PIP5K1A: variants seen among roughly 807,000 people sequenced by gnomAD.
PIP5K1A encodes phosphatidylinositol 4-phosphate 5-kinase type-1 alpha.
PIP5K1A carries 46 observed loss-of-function variants against 72.9 expected under a neutral mutation model. That is an observed-to-expected ratio of 0.63 (90% confidence interval 0.50 to 0.81). The LOEUF (loss-of-function observed/expected upper bound fraction) is 0.81, where lower values mean the gene tolerates loss of function less well. PIP5K1A is among the 30% of genes least tolerant of loss of function. PIP5K1A has a pLI of 0.00. For missense variants in PIP5K1A, 458 were observed against 706.1 expected (o/e 0.65, Z 3.98); for synonymous variants, 228 against 255.1 (o/e 0.89, Z 1.01).
chr1:151,227,912 A>G (rs1689394532), intron 4 of PIP5K1A, among the ~76,000 whole-genome samples: 1 of 152,286 alleles, frequency 6.6e-6, no homozygotes, highest in African/African-American at 2.4e-5. Flanking sequence ...ATTAGTGAAC[A>G]AATCTGGCAT....
rs1163625687 is a variant in PIP5K1A at position 151,248,729 on chromosome 1, C to G, written c.*864C>G. 6.6e-6 allele frequency: 1 copy of G among 152,602 alleles called. No individual in the cohort carries two copies. Among genetic ancestry groups the G allele is most frequent in the Non-Finnish European group, 1.5e-5 (1 of 68,042 alleles). 9.5% of individuals were successfully genotyped at this position (152,602 alleles called of 1,614,324 possible). ...CACTGCCAGGCTATAGTAATTATTACTATTTTGCAATTTGAAATATATTCT... is the reference window on the plus strand; with the variant it reads ...CACTGCCAGGCTATAGTAATTATTAGTATTTTGCAATTTGAAATATATTCT... On this transcript the variant is annotated 3_prime_UTR_variant, in exon 16 of 16. Coordinates refer to ENST00000368888, the MANE Select transcript of PIP5K1A (RefSeq NM_001135638.2).
rs1419306835 is a variant in PIP5K1A at position 151,232,574 on chromosome 1, G to A, written c.510G>A (p.Leu170=). Residue 170 remains leucine (L), a synonymous_variant, in exon 7 of 16, where the codon CTG becomes CTA. Transcript: ENST00000368888. ...AGTATTCCCTCTGCAGTGAGCCGCT[G>A]ATTGAACTCTGTAGCTCTGGAGCTA... ...DYLYSLCSEP[L]IELCSSGASG... 6.2e-7 allele frequency: 1 copy of A among 1,607,124 alleles called. No individual in the cohort carries two copies. The highest frequency in any genetic ancestry group is 1.3e-5 in the African/African-American group (1 of 74,398).
Position 151,248,062 on chromosome 1 carries a change from T to A in PIP5K1A, c.*197T>A. ...CCTTCCTCTTCCTCATGAATGGGCC[T>A]TAGTGCCTCAGAGAGTTGAGGACCG... On this transcript the variant is annotated 3_prime_UTR_variant, in exon 16 of 16. Transcript: ENST00000368888. 4.9e-6 allele frequency: 3 copies of A among 610,402 alleles called. No individual in the cohort carries two copies. 37.8% of individuals were successfully genotyped at this position (610,402 alleles called of 1,614,324 possible).
rs587765907 is a variant in PIP5K1A, at chr1:151,241,461, A to G, written c.1364-662A>G. Among the ~76,000 whole-genome samples, 1,038 of 150,134 alleles carry G rather than the reference A, an allele frequency of 6.9e-3. 5 individuals are homozygous for G. The highest frequency in any genetic ancestry group is 0.011 in the Non-Finnish European group (726 of 67,112). ...GGAGCTTGCAGTGAGCCAAGATGGCACCACTGCACTCCAGCCTGGGCGACA... is the reference window on the plus strand; with the variant it reads ...GGAGCTTGCAGTGAGCCAAGATGGCGCCACTGCACTCCAGCCTGGGCGACA... On this transcript the variant is annotated intron_variant, in intron 12 of 15. Coordinates refer to ENST00000368888, the MANE Select transcript of PIP5K1A (RefSeq NM_001135638.2).
In PIP5K1A at chr1:151,219,749, A is replaced by G. The variant is rs116039323; in HGVS notation, c.86-4496A>G. 8.8e-3 allele frequency among the ~76,000 whole-genome samples: 1,332 copies of G among 151,852 alleles called. 27 individuals are homozygous for G. The highest frequency in any genetic ancestry group is 0.03 in the African/African-American group (1,263 of 41,424). ...CCTTGTGCGGTGGCTCATGCTTCTAATCCCCGTACTTTGGGAGGCTGAGGT... is the reference window on the plus strand; with the variant it reads ...CCTTGTGCGGTGGCTCATGCTTCTAGTCCCCGTACTTTGGGAGGCTGAGGT... On this transcript the variant is annotated intron_variant, in intron 1 of 15. Coordinates refer to ENST00000368888, the MANE Select transcript of PIP5K1A (RefSeq NM_001135638.2).
intron 1 of PIP5K1A, among the ~76,000 whole-genome samples, chr1:151,220,747 G>T (rs1156707019): frequency 6.6e-6 from 1 of 152,204 alleles, no homozygotes; most frequent in Admixed American, 6.5e-5. Flanking sequence ...GATTACAGGC[G>T]TGAGCCACTT....
At chr1:151,244,281 C>T (rs1692178816) in intron 14 of PIP5K1A, among the ~76,000 whole-genome samples, 1 of 151,850 alleles carries the variant, frequency 6.6e-6, no homozygotes, top group Admixed American at 6.6e-5. Flanking sequence ...TCATTATTCC[C>T]TGAACAATAT....
At chr1:151,220,464 AC>A (rs1410268474) in intron 1 of PIP5K1A, among the ~76,000 whole-genome samples, 1 of 150,238 alleles carries the variant, frequency 6.7e-6, no homozygotes, top group Non-Finnish European at 1.5e-5. Flanking sequence ...CCATATACTT[AC>A]CACCTAGCTT....
intron 1 of PIP5K1A, among the ~76,000 whole-genome samples, chr1:151,206,723 A>T (rs1230496497): frequency 2.0e-5 from 3 of 151,950 alleles, no homozygotes; most frequent in Non-Finnish European, 4.4e-5. Flanking sequence ...GTGCCACCAC[A>T]TCCGGCTAAT....
upstream of PIP5K1A, among the ~76,000 whole-genome samples, chr1:151,198,373 G>A (rs907122030): frequency 2.1e-4 from 32 of 152,068 alleles, no homozygotes; most frequent in African/African-American, 7.7e-4. Flanking sequence ...AGGACCTGCC[G>A]AGCCACCGTA....
At chr1:151,243,486 G>A (rs1270883007) in intron 14 of PIP5K1A, among the ~76,000 whole-genome samples, 1 of 152,186 alleles carries the variant, frequency 6.6e-6, no homozygotes, top group Non-Finnish European at 1.5e-5. Flanking sequence ...CATAAAAGGG[G>A]AGAATGGGAG....
Position 151,246,952 on chromosome 1 carries a change from C to T in PIP5K1A, c.1673C>T (p.Ser558Leu), listed in dbSNP as rs1028690083. 6.2e-7 allele frequency: 1 copy of T among 1,613,306 alleles called. No individual in the cohort carries two copies. The highest frequency in any genetic ancestry group is 8.5e-7 in the Non-Finnish European group (1 of 1,179,390). Residue 558 changes from serine to leucine, a missense_variant, in exon 15 of 16, where the codon TCA becomes TTA. Physicochemically the swap from Ser to Leu is moderately radical, Grantham distance 145. Coordinates refer to ENST00000368888, the MANE Select transcript of PIP5K1A (RefSeq NM_001135638.2). ...TTLEKLEVAE[S>L]EFTH ...TTGGAAAAGCTTGAAGTTGCAGAGT[C>T]AGAGTTCACCCATGTGAGTATCTGG...
At chr1:151,208,056 T>C (rs921719829) in intron 1 of PIP5K1A, among the ~76,000 whole-genome samples, 1 of 151,590 alleles carries the variant, frequency 6.6e-6, no homozygotes, top group Non-Finnish European at 1.5e-5. Flanking sequence ...ATGGGGTTTC[T>C]CCATGTTGGG....
intron 3 of PIP5K1A, among the ~76,000 whole-genome samples, chr1:151,225,504 C>G (rs1688986156): frequency 1.4e-5 from 2 of 147,996 alleles, no homozygotes; most frequent in South Asian, 2.1e-4. Flanking sequence ...AAGTCTTGCT[C>G]TGTTGCCCAG....
intron 3 of PIP5K1A, among the ~76,000 whole-genome samples, chr1:151,226,273 G>A (rs1223402442): frequency 2.0e-5 from 3 of 151,852 alleles, no homozygotes; most frequent in Middle Eastern, 3.4e-3. Flanking sequence ...TTTTAGTAGA[G>A]ACAGGGTTTC....
intron 1 of PIP5K1A, among the ~76,000 whole-genome samples, chr1:151,216,847 T>C (rs1687703679): frequency 6.6e-6 from 1 of 151,892 alleles, no homozygotes; most frequent in Admixed American, 6.6e-5. Flanking sequence ...AGGTAGCCAG[T>C]CTGCTCTAGA....
chr1:151,218,773 C>T (rs1018513317), intron 1 of PIP5K1A, among the ~76,000 whole-genome samples: 1 of 136,270 alleles, frequency 7.3e-6, no homozygotes, highest in Non-Finnish European at 1.5e-5. Context: ...ATGGAGGTTG[C>T]AGTGAGCTGA....
chr1:151,198,890 C>T lies in PIP5K1A; in HGVS notation c.-107C>T, dbSNP rs1318295296. On this transcript the variant is annotated 5_prime_UTR_variant, in exon 1 of 16. Transcript: ENST00000368888. ...CCCCGGAGGGGGCGGGGAGGTGGCC[C>T]ACAGAACGCGGGTTCTGTAAAGAGA... 1 of 1,110,396 alleles carries T rather than the reference C, an allele frequency of 9.0e-7. No homozygotes were observed. The highest frequency in any genetic ancestry group is 1.3e-6 in the Non-Finnish European group (1 of 746,340). The allele number at this position is 1,110,396 out of a possible 1,614,324, so 68.8% of individuals were successfully genotyped here. A position where few individuals can be genotyped will look rare whatever the true frequency, so the allele number is the denominator to read the frequency against.
At chr1:151,241,819 G>T (rs1691758317) in intron 12 of PIP5K1A, among the ~76,000 whole-genome samples, 2 of 151,354 alleles carry the variant, frequency 1.3e-5, no homozygotes, top group African/African-American at 4.9e-5. Context: ...AAAAAAAAAG[G>T]AATTATGCAA....
Sources: allele counts gnomAD v4.1 joint callset (sites outside exome capture counted in the v4.1 genomes callset), GRCh38; gene constraint gnomAD v4.1.1; transcripts MANE v1.5; gene names NCBI Gene and HGNC (gene_info 2026-07-23, HGNC 2026-07-21).